Variants in CEACAM6 observed in about 807,000 individuals in gnomAD.
The protein encoded by CEACAM6 is cell adhesion molecule CEACAM6.
A neutral mutation model predicts 32.4 loss-of-function variants in CEACAM6; 21 were observed. The ratio of observed to expected loss-of-function variants is 0.65; its 90% CI spans 0.46 to 0.93. The LOEUF is 0.93. Among genes scored for constraint, CEACAM6 ranks in the 40% least tolerant of loss-of-function variants. The pLI is 0.00. For synonymous variants in CEACAM6, 184 were observed against 174.4 expected, an observed-to-expected ratio of 1.06 and a Z score of -0.43; for missense variants, 406 against 432.2, an observed-to-expected ratio of 0.94 and a Z score of 0.54.
Position 41,761,368 on chromosome 19 carries a change from G to A in CEACAM6, c.544G>A (p.Gly182Ser), listed in dbSNP as rs1555821842. 1.2e-5 allele frequency: 20 copies of A among 1,614,188 alleles called. No individual in the cohort carries two copies. Among genetic ancestry groups the A allele is most frequent in the Admixed American group, 1.7e-5 (1 of 60,028 alleles). Reference protein sequence around the residue: ...QNTTYLWWVNGQSLPVSPRLQ... With the variant: ...QNTTYLWWVNSQSLPVSPRLQ... ...CACAACCTACCTGTGGTGGGTAAAT[G>A]GTCAGAGCCTCCCGGTCAGTCCCAG... is the stretch of plus-strand genomic sequence containing the variant. Residue 182 changes from glycine to serine, a missense_variant, in exon 3 of 6, where the codon GGT becomes AGT. Transcript: ENST00000199764.
chr19:41,768,245 G>C (rs1396224716), intron 5 of CEACAM6, among the ~76,000 whole-genome samples: 4 of 152,174 alleles, frequency 2.6e-5, no homozygotes, highest in African/African-American at 4.8e-5. Flanking sequence ...AGGACCCTGC[G>C]GCCTTCCGCA....
At chr19:41,767,793 G>C (rs1306141409) in intron 5 of CEACAM6, among the ~76,000 whole-genome samples, 2 of 152,024 alleles carry the variant, frequency 1.3e-5, no homozygotes, top group Non-Finnish European at 2.9e-5. Context: ...TACTTTGTTG[G>C]CCTAATTCAT....
intron 2 of CEACAM6, chr19:41,758,024 T>A (rs2072900054): frequency 6.6e-6 from 1 of 152,230 alleles, no homozygotes; most frequent in African/African-American, 2.4e-5. Flanking sequence ...CTGAGGCCAG[T>A]CATGGGTTCA....
At position 41,766,333 on chromosome 19, in the gene CEACAM6, C is replaced by A. The variant is rs1304527193; in HGVS notation, c.*40+34C>A. On this transcript the variant is annotated intron_variant, in intron 5 of 5. Transcript: ENST00000199764. Reference sequence around the variant, plus strand: ...GCCTTTCCTCTTGCCATGTTTCCTGCAGGGCTGACCACCATGCTTGGGAAA... The same window carrying A: ...GCCTTTCCTCTTGCCATGTTTCCTGAAGGGCTGACCACCATGCTTGGGAAA... The A allele has an allele frequency of 1.2e-5, 13 of 1,111,138 alleles. No individual in the cohort carries two copies. In the Middle Eastern group the frequency reaches 7.1e-4, roughly 61 times the overall value. The allele number at this position is 1,111,138 out of a possible 1,614,324, so 68.8% of individuals were successfully genotyped here.
At position 41,755,684 on chromosome 19, in the gene CEACAM6, A is replaced by G. The variant is rs199578274; in HGVS notation, c.46A>G (p.Lys16Glu). Residue 16 changes from lysine (K) to glutamate (E), a missense_variant, in exon 1 of 6, where the codon AAG (lysine) becomes GAG (glutamate). Transcript: ENST00000199764. ...APPCRLHVPW[K>E]EVLLTASLLT... ...TCCCTGCAGATTGCATGTCCCCTGGAAGGAGGTCCTGCTCACAGGTGAGGG... is the reference window on the plus strand; with the variant it reads ...TCCCTGCAGATTGCATGTCCCCTGGGAGGAGGTCCTGCTCACAGGTGAGGG... 53 of 1,605,400 alleles carry G rather than the reference A, an allele frequency of 3.3e-5. No individual in the cohort carries two copies. Among genetic ancestry groups the G allele is most frequent in the Non-Finnish European group, 6.8e-6 (8 of 1,176,640 alleles).
intron 4 of CEACAM6, among the ~76,000 whole-genome samples, chr19:41,763,152 C>T (rs1297949148): frequency 6.6e-6 from 1 of 152,074 alleles, no homozygotes; most frequent in Non-Finnish European, 1.5e-5. Flanking sequence ...TGTGCAGGTC[C>T]GTAGTATTAA....
rs2072908761 is a variant in CEACAM6 at position 41,759,317 on chromosome 19, C to A, written c.425-1932C>A. On this transcript the variant is annotated intron_variant, in intron 2 of 5. Transcript: ENST00000199764. ...ATAGACTCTGCCCAGTTTAGATGAA[C>A]TTAAACTCTCATTGTGTTTTCTCAG... 4.6e-5 allele frequency among the ~76,000 whole-genome samples: 7 copies of A among 152,326 alleles called. No individual in the cohort carries two copies. In the South Asian group the frequency reaches 1.2e-3, roughly 27 times the overall value.
intron 2 of CEACAM6, among the ~76,000 whole-genome samples, chr19:41,759,916 T>G (rs1600496253): frequency 6.6e-6 from 1 of 152,310 alleles, no homozygotes. Flanking sequence ...ACCACTAAAG[T>G]GATGCTGAAA....
At chr19:41,761,938 A>G in intron 3 of CEACAM6, 31 bp from the exon 4 acceptor site, 1 of 1,611,920 alleles carries the variant, frequency 6.2e-7, no homozygotes, top group Non-Finnish European at 8.5e-7. Flanking sequence ...CTCTGACAAC[A>G]TCACCTGTGG....
intron 4 of CEACAM6, among the ~76,000 whole-genome samples, chr19:41,763,448 A>C (rs1159787716): frequency 6.6e-6 from 1 of 152,212 alleles, no homozygotes; most frequent in Non-Finnish European, 1.5e-5. Flanking sequence ...CAGCACCTGC[A>C]TGTTCCAGGT....
At chr19:41,762,363 A>G (rs540177171) in intron 4 of CEACAM6, 140 bp downstream of exon 4, 40 of 932,916 alleles carry the variant, frequency 4.3e-5, no homozygotes, top group Non-Finnish European at 6.0e-5. Flanking sequence ...AACCCTCCCA[A>G]TTCACCTCTG....
At chr19:41,767,001 G>A (rs1359162239) in intron 5 of CEACAM6, among the ~76,000 whole-genome samples, 21 of 97,150 alleles carry the variant, frequency 2.2e-4, no homozygotes, top group East Asian at 8.2e-4. Flanking sequence ...GCAAGACTCC[G>A]TCTCAAAAAA....
In CEACAM6 at chr19:41,771,390, T is replaced by TA. The variant is rs1568729837; in HGVS notation, c.*630dup. On this transcript the variant is annotated 3_prime_UTR_variant, in exon 6 of 6. Transcript: ENST00000199764. ...AACCCAGCCATGCAATGCCAAATAATAGAATTGCTCCCTACCAGCTGAACA... is the reference window on the plus strand; with the variant it reads ...AACCCAGCCATGCAATGCCAAATAATAAGAATTGCTCCCTACCAGCTGAACA... 6.6e-6 allele frequency: 1 copy of TA among 152,190 alleles called. No homozygotes were observed. The highest frequency in any genetic ancestry group is 1.5e-5 in the Non-Finnish European group (1 of 68,020). 9.4% of individuals were successfully genotyped at this position (152,190 alleles called of 1,614,324 possible).
Position 41,755,601 on chromosome 19 carries a change from C to A in CEACAM6, c.-38C>A. The stretch of plus-strand genomic sequence containing the variant: ...CCAGAGCATTCCTGGAGCTCAAGCT[C>A]CTCTACAAAGAGGTGGACAGAGAAG... On this transcript the variant is annotated 5_prime_UTR_variant, in exon 1 of 6. Coordinates refer to ENST00000199764, the MANE Select transcript of CEACAM6 (RefSeq NM_002483.7). 6.2e-7 allele frequency: 1 copy of A among 1,605,108 alleles called. No homozygotes were observed.
intron 2 of CEACAM6, among the ~76,000 whole-genome samples, 192 bp from the exon 3 acceptor site, chr19:41,761,057 A>G (rs1288946476): frequency 2.0e-5 from 3 of 152,154 alleles, no homozygotes; most frequent in Non-Finnish European, 2.9e-5. Flanking sequence ...CTTCTCCCAC[A>G]CAGAGCAGGT....
chr19:41,766,103 A>G lies in CEACAM6; in HGVS notation c.959-80A>G. 5.2e-6 allele frequency: 5 copies of G among 956,994 alleles called. No homozygotes were observed. In the South Asian group the frequency reaches 8.3e-5, roughly 16 times the overall value. The allele number at this position is 956,994 out of a possible 1,614,324, so 59.3% of individuals were successfully genotyped here. Reference sequence around the variant, plus strand: ...TTCCTTGAAGGAACAAGTCAAGCCTACTTCATGTTGACAGCTAGTTCTTGG... The same window carrying G: ...TTCCTTGAAGGAACAAGTCAAGCCTGCTTCATGTTGACAGCTAGTTCTTGG... On this transcript the variant is annotated intron_variant, in intron 4 of 5. Coordinates refer to ENST00000199764, the MANE Select transcript of CEACAM6 (RefSeq NM_002483.7).
rs1555820932 is a variant in CEACAM6, at chr19:41,755,708, G to A, written c.64+6G>A. 2.5e-6 allele frequency: 4 copies of A among 1,602,266 alleles called. No individual in the cohort carries two copies. Among genetic ancestry groups the A allele is most frequent in the Non-Finnish European group, 3.4e-6 (4 of 1,175,290 alleles). Reference sequence around the variant, plus strand: ...GAAGGAGGTCCTGCTCACAGGTGAGGGGAGGACTCCCTCGGAGTGGATGGG... The same window carrying A: ...GAAGGAGGTCCTGCTCACAGGTGAGAGGAGGACTCCCTCGGAGTGGATGGG... On this transcript the variant is annotated splice_donor_region_variant and intron_variant, in intron 1 of 5. Coordinates refer to ENST00000199764, the MANE Select transcript of CEACAM6 (RefSeq NM_002483.7).
chr19:41,765,661 C>T (rs527587162), intron 4 of CEACAM6, among the ~76,000 whole-genome samples: 1 of 152,178 alleles, frequency 6.6e-6, no homozygotes, highest in Admixed American at 6.5e-5. Context: ...TCCCCAAGAC[C>T]GATGGGGAGT....
rs1159078055 is a variant in CEACAM6, at chr19:41,771,247, G to C, written c.*486G>C. ...TTTACATAAAATAAGAGATCCTTTA[G>C]TGCACCCAGTGACTGACATTAGCAG... On this transcript the variant is annotated 3_prime_UTR_variant, in exon 6 of 6. Transcript: ENST00000199764. The C allele has an allele frequency of 1.3e-5, 2 of 152,152 alleles. No homozygotes were observed. The highest frequency in any genetic ancestry group is 4.8e-5 in the African/African-American group (2 of 41,428). 9.4% of individuals were successfully genotyped at this position (152,152 alleles called of 1,614,324 possible).
Sources: gnomAD v4.1 joint callset for allele counts (sites outside exome capture counted in the v4.1 genomes callset) on GRCh38, gnomAD v4.1.1 for gene constraint, MANE v1.5 for transcripts, NCBI Gene and HGNC (gene_info 2026-07-23, HGNC 2026-07-21) for gene names.